IER3IP1: variants seen among roughly 807,000 people sequenced by gnomAD.
The protein encoded by IER3IP1 is immediate early response 3 interacting protein 1, also known as immediate early response 3-interacting protein 1.
In IER3IP1, 16 loss-of-function variants were observed where a neutral mutation model predicts 12.2. The ratio of observed to expected loss-of-function variants is 1.31; its 90% CI spans 0.89 to 1.99. IER3IP1 has a LOEUF of 1.99. IER3IP1 is among the 30% of genes most tolerant of loss of function. The probability of loss-of-function intolerance (pLI) is 0.00; values close to 1 mark genes in which losing one functional copy is unlikely to be tolerated. For missense variants in IER3IP1, 95 were observed against 95.8 expected (o/e 0.99, Z 0.03); for synonymous variants, 42 against 40.0 (o/e 1.05, Z -0.19).
Position 47,157,464 on chromosome 18 carries a change from A to G in IER3IP1, c.165T>C (p.Leu55=), listed in dbSNP as rs1235485066. The change falls in exon 2 of 3, where the codon CTT becomes CTC. Residue 55 remains leucine (L), a synonymous_variant. Transcript: ENST00000256433. ...EPGIKSQLMN[L]IRSVRTVMRV... ...TCATCACGGTTCTTACAGATCGAAT[A>G]AGGTTCATTAGCTGTGATTTAATTC... The G allele has an allele frequency of 1.5e-5, 24 of 1,613,966 alleles. No individual in the cohort carries two copies. Among genetic ancestry groups the G allele is most frequent in the Admixed American group, 3.3e-5 (2 of 60,004 alleles).
intron 1 of IER3IP1, among the ~76,000 whole-genome samples, chr18:47,173,749 C>A (rs775637714): frequency 3.3e-5 from 5 of 152,180 alleles, no homozygotes; most frequent in Non-Finnish European, 5.9e-5. Context: ...GGCTAAAAGT[C>A]TGAAATCAAG....
chr18:47,165,245 GT>G (rs1449496362), intron 1 of IER3IP1, among the ~76,000 whole-genome samples: 1 of 152,106 alleles, frequency 6.6e-6, no homozygotes, highest in African/African-American at 2.4e-5. Flanking sequence ...TTTTTAAAAA[GT>G]ACCTTTATCA....
At chr18:47,164,248 G>A (rs116004974) in intron 1 of IER3IP1, among the ~76,000 whole-genome samples, 4 of 151,836 alleles carry the variant, frequency 2.6e-5, no homozygotes, top group African/African-American at 9.7e-5. Context: ...GTTAATTGCA[G>A]CCCAGTCTCT....
chr18:47,165,713 G>A (rs555172420), intron 1 of IER3IP1, among the ~76,000 whole-genome samples: 2 of 152,136 alleles, frequency 1.3e-5, no homozygotes, highest in African/African-American at 4.8e-5. Context: ...ATAATATATT[G>A]GTCTAGAGCC....
chr18:47,174,238 CTCTT>C (rs902892425), intron 1 of IER3IP1, among the ~76,000 whole-genome samples: 3 of 152,200 alleles, frequency 2.0e-5, no homozygotes, highest in Admixed American at 6.5e-5. Flanking sequence ...GCCACCTACT[CTCTT>C]TGTGATTCTA....
chr18:47,164,788 AAAC>A, intron 1 of IER3IP1, among the ~76,000 whole-genome samples: 1 of 151,352 alleles, frequency 6.6e-6, no homozygotes, highest in Admixed American at 6.6e-5. Flanking sequence ...CAAAAAAAAA[AAAC>A]AAGAGAGAGA....
intron 1 of IER3IP1, among the ~76,000 whole-genome samples, chr18:47,167,439 A>G (rs953110015): frequency 1.3e-5 from 2 of 152,236 alleles, no homozygotes; most frequent in African/African-American, 4.8e-5. Context: ...CTTCACTTTA[A>G]AAATCTGAAT....
chr18:47,161,479 C>A (rs1199597843), intron 1 of IER3IP1, among the ~76,000 whole-genome samples: 2 of 152,204 alleles, frequency 1.3e-5, no homozygotes, highest in Non-Finnish European at 2.9e-5. Context: ...ACCTTGTAAT[C>A]TTGATGTCTC....
In IER3IP1 at chr18:47,157,542, ATAATG is replaced by A. The variant is rs1209524098; in HGVS notation, c.92-10_92-6del. 6 of 1,612,708 alleles carry A rather than the reference ATAATG, an allele frequency of 3.7e-6. No individual in the cohort carries two copies. Among genetic ancestry groups the A allele is most frequent in the Non-Finnish European group, 5.1e-6 (6 of 1,178,796 alleles). On this transcript the variant is annotated splice_region_variant and splice_polypyrimidine_tract_variant and intron_variant, in intron 1 of 2. Transcript: ENST00000256433. ...CCTGGTCTGTTCCCCAGCCAACTGT[ATAATG>A]TAAAGATTAGCTGTGTTAAAAGTTA... is the stretch of plus-strand genomic sequence containing the variant.
chr18:47,160,156 T>C (rs1300144869), intron 1 of IER3IP1, among the ~76,000 whole-genome samples: 7 of 151,652 alleles, frequency 4.6e-5, no homozygotes, highest in Non-Finnish European at 8.8e-5. Flanking sequence ...GACCGTGCCA[T>C]TGCACTCCAG....
chr18:47,167,850 G>A (rs184152894), intron 1 of IER3IP1, among the ~76,000 whole-genome samples: 6 of 152,176 alleles, frequency 3.9e-5, no homozygotes, highest in Non-Finnish European at 7.4e-5. Flanking sequence ...CCAGTTGTGC[G>A]TGGTGGCTTA....
At position 47,176,321 on chromosome 18, in the gene IER3IP1, C is replaced by A. The variant is rs1278608945; in HGVS notation, c.-44G>T. On this transcript the variant is annotated 5_prime_UTR_variant, in exon 1 of 3. Coordinates refer to ENST00000256433, the MANE Select transcript of IER3IP1 (RefSeq NM_016097.5). Reference sequence around the variant, plus strand: ...CGAAGTCCAAGCGATTTCTCTCCCGCCGCCGCAAGGGACGTGGCGCCTCCA... The same window carrying A: ...CGAAGTCCAAGCGATTTCTCTCCCGACGCCGCAAGGGACGTGGCGCCTCCA... 9 of 1,525,362 alleles carry A rather than the reference C, an allele frequency of 5.9e-6. No homozygotes were observed. Among genetic ancestry groups the A allele is most frequent in the Non-Finnish European group, 8.0e-6 (9 of 1,118,556 alleles). 94.5% of individuals were successfully genotyped at this position (1,525,362 alleles called of 1,614,324 possible).
chr18:47,159,624 AAG>A (rs1403609183), intron 1 of IER3IP1, among the ~76,000 whole-genome samples: 2 of 152,176 alleles, frequency 1.3e-5, no homozygotes, highest in African/African-American at 2.4e-5. Flanking sequence ...GAAAAAGAAA[AAG>A]AAGAAAGCTG....
chr18:47,159,224 T>C (rs2063971603), intron 1 of IER3IP1, among the ~76,000 whole-genome samples: 1 of 152,210 alleles, frequency 6.6e-6, no homozygotes, highest in South Asian at 2.1e-4. Context: ...TATCTAACTG[T>C]GGTCATCTGA....
At chr18:47,162,674 AAAAG>A (rs1488340260) in intron 1 of IER3IP1, among the ~76,000 whole-genome samples, 1 of 152,116 alleles carries the variant, frequency 6.6e-6, no homozygotes, top group East Asian at 1.9e-4. Flanking sequence ...ATCAGTTCCA[AAAAG>A]AAAGAAAAAA....
intron 1 of IER3IP1, among the ~76,000 whole-genome samples, chr18:47,175,394 CAGTT>C (rs1273905825): frequency 6.6e-6 from 1 of 152,192 alleles, no homozygotes; most frequent in Non-Finnish European, 1.5e-5. Flanking sequence ...TGCCTTCCAT[CAGTT>C]AGTGAACTAC....
intron 1 of IER3IP1, among the ~76,000 whole-genome samples, chr18:47,167,138 C>G (rs1472696582): frequency 1.3e-5 from 2 of 152,030 alleles, no homozygotes; most frequent in Admixed American, 6.5e-5. Context: ...GCAACCTCTG[C>G]ATCCTGGGCT....
At chr18:47,158,741 G>A (rs958533827) in intron 1 of IER3IP1, among the ~76,000 whole-genome samples, 5 of 150,732 alleles carry the variant, frequency 3.3e-5, no homozygotes, top group South Asian at 4.3e-4. Flanking sequence ...CTGGTGGATC[G>A]CCTGAGCCCA....
intron 1 of IER3IP1, among the ~76,000 whole-genome samples, chr18:47,169,685 A>G (rs1449601159): frequency 6.6e-6 from 1 of 151,900 alleles, no homozygotes; most frequent in Non-Finnish European, 1.5e-5. Context: ...TTCGGTTTGC[A>G]CTTCTCTAAT....
Sources: allele counts gnomAD v4.1 joint callset (sites outside exome capture counted in the v4.1 genomes callset), GRCh38; gene constraint gnomAD v4.1.1; transcripts MANE v1.5; gene names NCBI Gene and HGNC (gene_info 2026-07-23, HGNC 2026-07-21).